IGF1R: variants seen among roughly 807,000 people sequenced by gnomAD.
The protein encoded by IGF1R is insulin-like growth factor 1 receptor.
IGF1R carries 44 observed loss-of-function variants against 144.6 expected under a neutral mutation model. The observed-to-expected ratio is 0.30, with a 90% CI of 0.24 to 0.39. The LOEUF (loss-of-function observed/expected upper bound fraction) is 0.39. IGF1R is among the 10% of genes least tolerant of loss of function. The pLI is 1.00. For synonymous variants in IGF1R, 795 were observed against 722.8 expected (o/e 1.10, Z -1.60); for missense variants, 1,355 against 1,833.7 (o/e 0.74, Z 4.77).
At chr15:98,860,200 C>A (rs954302885) in intron 2 of IGF1R, among the ~76,000 whole-genome samples, 3 of 152,220 alleles carry the variant, frequency 2.0e-5, no homozygotes, top group East Asian at 3.8e-4. Context: ...AATGGCACAC[C>A]GTTTCTTAAC....
At chr15:98,927,579 T>C (rs1375424848) in intron 13 of IGF1R, among the ~76,000 whole-genome samples, 1 of 152,198 alleles carries the variant, frequency 6.6e-6, no homozygotes, top group East Asian at 1.9e-4. Context: ...GTATAAGTGA[T>C]ATAAACAGTG....
At chr15:98,824,069 A>G (rs2056847884) in intron 2 of IGF1R, 1 of 152,156 alleles carries the variant, frequency 6.6e-6, no homozygotes. Flanking sequence ...CATAGCCAGC[A>G]CTCGGAACTA....
At chr15:98,904,470 T>C (rs1242027558) in intron 5 of IGF1R, among the ~76,000 whole-genome samples, 1 of 152,198 alleles carries the variant, frequency 6.6e-6, no homozygotes, top group Non-Finnish European at 1.5e-5. Flanking sequence ...TCCACCTAGA[T>C]AGACATATCC....
At chr15:98,743,503 C>T (rs1398251791) in intron 2 of IGF1R, among the ~76,000 whole-genome samples, 1 of 152,154 alleles carries the variant, frequency 6.6e-6, no homozygotes, top group African/African-American at 2.4e-5. Context: ...ACAAATAGAA[C>T]ATTGTATGTG....
chr15:98,936,473 T>C (rs1042441917), intron 17 of IGF1R, among the ~76,000 whole-genome samples: 1 of 152,200 alleles, frequency 6.6e-6, no homozygotes, highest in African/African-American at 2.4e-5. Flanking sequence ...TTCATTTGGT[T>C]GCCTCCGTGG....
rs377272691 is a variant in IGF1R at position 98,872,538 on chromosome 15, A to T, written c.641-18787A>T. ...TAGGGATCAAATAATAATAGTAGCT[A>T]ATGTTTAAAGAGTACCTAAGATCCG... On this transcript the variant is annotated intron_variant, in intron 2 of 20. Coordinates refer to ENST00000650285, the MANE Select transcript of IGF1R (RefSeq NM_000875.5). 1.6e-4 allele frequency among the ~76,000 whole-genome samples: 25 copies of T among 152,322 alleles called. 1 individual carries two copies. The East Asian group carries it at 4.4e-3, about 27-fold the overall frequency.
chr15:98,667,762 G>A (rs917030746), intron 1 of IGF1R, among the ~76,000 whole-genome samples: 1 of 152,110 alleles, frequency 6.6e-6, no homozygotes, highest in African/African-American at 2.4e-5. Context: ...AGCCTGCTGC[G>A]GGCAACTGGT....
chr15:98,914,508 G>A (rs1037218027), intron 8 of IGF1R, among the ~76,000 whole-genome samples: 1 of 152,156 alleles, frequency 6.6e-6, no homozygotes, highest in Non-Finnish European at 1.5e-5. Flanking sequence ...CATGTCACTG[G>A]GTAAAGTGCT....
intron 8 of IGF1R, among the ~76,000 whole-genome samples, chr15:98,915,445 G>A (rs2015201252): frequency 6.6e-6 from 1 of 152,188 alleles, no homozygotes; most frequent in African/African-American, 2.4e-5. Flanking sequence ...ACACACAGCT[G>A]TGACATGGGC....
At chr15:98,724,095 G>C (rs575497294) in intron 2 of IGF1R, among the ~76,000 whole-genome samples, 22 of 152,274 alleles carry the variant, frequency 1.4e-4, no homozygotes, top group Admixed American at 2.6e-4. Flanking sequence ...ACTTTATTTT[G>C]TTATCCTTTA....
chr15:98,675,822 CTTTCTTTTTTT>C, intron 1 of IGF1R, among the ~76,000 whole-genome samples: 1 of 114,410 alleles, frequency 8.7e-6, no homozygotes, highest in South Asian at 2.7e-4. Flanking sequence ...TTCTTTCTTT[CTTTCTTTTTTT>C]TTTTTTTTTT....
intron 2 of IGF1R, among the ~76,000 whole-genome samples, chr15:98,858,579 G>A (rs1036970168): frequency 2.0e-5 from 3 of 152,072 alleles, no homozygotes; most frequent in Admixed American, 6.5e-5. Context: ...AGTACACAAG[G>A]ACAATCTCAG....
chr15:98,733,694 C>T (rs1034923389), intron 2 of IGF1R, among the ~76,000 whole-genome samples: 8 of 152,052 alleles, frequency 5.3e-5, no homozygotes, highest in African/African-American at 1.5e-4. Flanking sequence ...AGTGGTAGAC[C>T]TCCCCCCACT....
chr15:98,780,549 CAAAAAAAAAA>C (rs1192949160), intron 2 of IGF1R, among the ~76,000 whole-genome samples: 28 of 24,018 alleles, frequency 1.2e-3, no homozygotes, highest in African/African-American at 1.9e-3. Flanking sequence ...AACTCTGTCT[CAAAAAAAAAA>C]AAAAAAAAAA....
At chr15:98,863,443 C>T (rs2012267000) in intron 2 of IGF1R, among the ~76,000 whole-genome samples, 1 of 152,128 alleles carries the variant, frequency 6.6e-6, no homozygotes, top group Non-Finnish European at 1.5e-5. Context: ...ATTCTTTCAC[C>T]CACTAATTTT....
At chr15:98,657,480 C>T (rs2052513278) in intron 1 of IGF1R, among the ~76,000 whole-genome samples, 1 of 152,178 alleles carries the variant, frequency 6.6e-6, no homozygotes, top group South Asian at 2.1e-4. Flanking sequence ...CCCTGAGTCT[C>T]ATTTTAGTGG....
intron 2 of IGF1R, among the ~76,000 whole-genome samples, chr15:98,738,259 C>G (rs759577901): frequency 6.6e-6 from 1 of 152,228 alleles, no homozygotes; most frequent in Admixed American, 6.5e-5. Flanking sequence ...TGAACTCAAA[C>G]TGCTGGACTC....
chr15:98,801,462 T>A (rs1219305199), intron 2 of IGF1R, among the ~76,000 whole-genome samples: 2 of 152,202 alleles, frequency 1.3e-5, no homozygotes, highest in African/African-American at 4.8e-5. Context: ...GCAGCCTGGT[T>A]ACAGCTGCCT....
chr15:98,684,010 G>C (rs898902836), intron 1 of IGF1R, among the ~76,000 whole-genome samples: 5 of 152,132 alleles, frequency 3.3e-5, no homozygotes, highest in Non-Finnish European at 7.3e-5. Flanking sequence ...GTCTTCTCCA[G>C]CTGGGCCTCT....
Sources: allele counts gnomAD v4.1 joint callset (sites outside exome capture counted in the v4.1 genomes callset), GRCh38; gene constraint gnomAD v4.1.1; transcripts MANE v1.5; gene names NCBI Gene and HGNC (gene_info 2026-07-23, HGNC 2026-07-21).